Variants in SAMD5 observed in about 807,000 individuals in gnomAD.
The protein encoded by SAMD5 is sterile alpha motif domain-containing protein 5.
In SAMD5, 13 loss-of-function variants were observed where a neutral mutation model predicts 11.3. The ratio of observed to expected loss-of-function variants is 1.15; its 90% CI spans 0.75 to 1.83. The LOEUF is 1.83. SAMD5 is among the 40% of genes most tolerant of loss of function. The pLI is 0.00. For synonymous variants in SAMD5, 129 were observed against 111.3 expected (o/e 1.16, Z -1.00); for missense variants, 255 against 239.1 (o/e 1.07, Z -0.44).
At chr6:147,681,469 T>G (rs1790939652) in intron 1 of SAMD5, among the ~76,000 whole-genome samples, 1 of 152,166 alleles carries the variant, frequency 6.6e-6, no homozygotes, top group African/African-American at 2.4e-5. Context: ...ATAGTTATAG[T>G]AACTCTTTTT....
intron 1 of SAMD5, among the ~76,000 whole-genome samples, chr6:147,529,381 T>A (rs1330444989): frequency 1.3e-5 from 2 of 152,236 alleles, no homozygotes; most frequent in Non-Finnish European, 2.9e-5. Flanking sequence ...CTTTAATTGG[T>A]CTTAATCCAA....
the SAMD5 span, among the ~76,000 whole-genome samples, chr6:147,879,598 T>C: frequency 6.6e-6 from 1 of 152,200 alleles, no homozygotes; most frequent in South Asian, 2.1e-4. Context: ...ATAGTTTTGA[T>C]GGGATGTTCA....
chr6:147,546,745 C>T (rs1309864180), intron 1 of SAMD5, among the ~76,000 whole-genome samples: 1 of 152,150 alleles, frequency 6.6e-6, no homozygotes, highest in African/African-American at 2.4e-5. Context: ...CTTCTGAACT[C>T]TCTGAATATA....
chr6:147,629,143 C>A (rs1243348172), intron 1 of SAMD5, among the ~76,000 whole-genome samples: 1 of 143,374 alleles, frequency 7.0e-6, no homozygotes, highest in Admixed American at 6.7e-5. Context: ...ATACAGAAAA[C>A]AAACAAACAA....
intron 1 of SAMD5, among the ~76,000 whole-genome samples, chr6:147,666,673 C>T (rs1367333551): frequency 1.3e-5 from 2 of 152,126 alleles, no homozygotes; most frequent in Non-Finnish European, 2.9e-5. Flanking sequence ...AATAACAAAG[C>T]TTTCGTATTT....
At chr6:147,779,459 T>A in the SAMD5 span, among the ~76,000 whole-genome samples, 1 of 152,020 alleles carries the variant, frequency 6.6e-6, no homozygotes, top group Non-Finnish European at 1.5e-5. Flanking sequence ...AACAATGCCC[T>A]GAGCAGCTCT....
chr6:147,868,347 A>G, the SAMD5 span, among the ~76,000 whole-genome samples: 1 of 152,214 alleles, frequency 6.6e-6, no homozygotes, highest in African/African-American at 2.4e-5. Flanking sequence ...GGACAGATGC[A>G]CTAAATAATT....
the SAMD5 span, among the ~76,000 whole-genome samples, chr6:147,832,922 C>G: frequency 6.6e-6 from 1 of 152,304 alleles, no homozygotes; most frequent in Admixed American, 6.5e-5. Flanking sequence ...TTTTTATTCT[C>G]AGATAATGTT....
the SAMD5 span, among the ~76,000 whole-genome samples, chr6:147,884,325 G>A: frequency 6.6e-5 from 10 of 152,268 alleles, no homozygotes; most frequent in East Asian, 1.9e-4. Flanking sequence ...CCACCAAGAC[G>A]CCTCCTTGGT....
chr6:147,954,642 CT>C, the SAMD5 span, among the ~76,000 whole-genome samples: 32,534 of 137,078 alleles, frequency 0.24, 3,903 homozygotes, highest in African/African-American at 0.36. Flanking sequence ...TTTTTAACCT[CT>C]TTTTTTTTTT....
At chr6:147,535,546 A>C (rs1329560348) in intron 1 of SAMD5, among the ~76,000 whole-genome samples, 1 of 152,204 alleles carries the variant, frequency 6.6e-6, no homozygotes, top group Non-Finnish European at 1.5e-5. Context: ...ATTTTTATTA[A>C]AAACAAATCA....
intron 1 of SAMD5, among the ~76,000 whole-genome samples, chr6:147,614,094 A>G (rs553237833): frequency 6.6e-6 from 1 of 152,102 alleles, no homozygotes; most frequent in Admixed American, 6.5e-5. Context: ...AGGAGATGGC[A>G]TTGGGTGAGT....
the SAMD5 span, among the ~76,000 whole-genome samples, chr6:147,901,718 T>A: frequency 1.3e-5 from 2 of 152,200 alleles, no homozygotes; most frequent in Non-Finnish European, 2.9e-5. Context: ...GTATAATCAC[T>A]TATTTAGCAT....
intron 1 of SAMD5, among the ~76,000 whole-genome samples, chr6:147,600,415 T>G (rs982853665): frequency 6.6e-6 from 1 of 152,158 alleles, no homozygotes; most frequent in African/African-American, 2.4e-5. Flanking sequence ...TCAGATAGAT[T>G]TTCTATTCCT....
At chr6:147,605,276 T>C (rs1354707597) in intron 1 of SAMD5, among the ~76,000 whole-genome samples, 1 of 152,066 alleles carries the variant, frequency 6.6e-6, no homozygotes, top group East Asian at 1.9e-4. Flanking sequence ...CCACACCTGA[T>C]TAATTTTTAC....
At chr6:147,555,490 C>T (rs995753770) in intron 1 of SAMD5, among the ~76,000 whole-genome samples, 1 of 152,160 alleles carries the variant, frequency 6.6e-6, no homozygotes, top group Admixed American at 6.5e-5. Flanking sequence ...CTTATACTTG[C>T]CCCAGTGAGT....
chr6:147,904,844 G>A, the SAMD5 span, among the ~76,000 whole-genome samples: 1 of 150,896 alleles, frequency 6.6e-6, no homozygotes. Context: ...TTCTTCATTA[G>A]AACATAACTC....
chr6:147,509,201 C>T lies in SAMD5; in HGVS notation c.273C>T (p.Pro91=). ...APPGPPADAV[P]TGRRGEPCGG... ...CCGGGCCGCCCGCCGACGCCGTCCC[C>T]ACCGGCCGCCGGGGGGAGCCGTGCG... The change falls in exon 1 of 2, where the codon CCC becomes CCT. Residue 91 remains proline (P), a synonymous_variant. Transcript: ENST00000367474. 7.7e-7 allele frequency: 1 copy of T among 1,301,962 alleles called. No individual in the cohort carries two copies. The highest frequency in any genetic ancestry group is 2.7e-5 in the South Asian group (1 of 36,778). 80.7% of individuals were successfully genotyped at this position (1,301,962 alleles called of 1,614,324 possible).
At chr6:147,751,586 C>T in the SAMD5 span, among the ~76,000 whole-genome samples, 187 of 152,208 alleles carry the variant, frequency 1.2e-3, 1 homozygote, top group African/African-American at 4.3e-3. Flanking sequence ...GCCGAAGGCT[C>T]GTAGTTCTCT....
Sources: gnomAD v4.1 joint callset for allele counts (sites outside exome capture counted in the v4.1 genomes callset) on GRCh38, gnomAD v4.1.1 for gene constraint, MANE v1.5 for transcripts, NCBI Gene and HGNC (gene_info 2026-07-23, HGNC 2026-07-21) for gene names.